FAM227B: variants seen among roughly 807,000 people sequenced by gnomAD.
The protein encoded by FAM227B is protein FAM227B.
FAM227B carries 88 observed loss-of-function variants against 73.8 expected under a neutral mutation model. The observed-to-expected ratio is 1.19, with a 90% CI of 1.00 to 1.42. The LOEUF is 1.42. Among genes scored for constraint, FAM227B ranks in the 40% most tolerant of loss-of-function variants. FAM227B has a pLI of 0.00. For missense variants in FAM227B, 632 were observed against 590.9 expected (o/e 1.07, Z -0.72); for synonymous variants, 210 against 190.5 (o/e 1.10, Z -0.84).
intron 5 of FAM227B, among the ~76,000 whole-genome samples, chr15:49,579,824 T>C (rs552343212): frequency 7.2e-5 from 11 of 152,314 alleles, no homozygotes; most frequent in African/African-American, 2.6e-4. Flanking sequence ...AAAAAAATGA[T>C]AGCTATTCTA....
intron 11 of FAM227B, among the ~76,000 whole-genome samples, chr15:49,429,894 G>T (rs2050445396): frequency 6.6e-6 from 1 of 151,906 alleles, no homozygotes; most frequent in South Asian, 2.1e-4. Context: ...GTTCTCCAAT[G>T]ATTCTAAAGT....
chr15:49,525,070 G>A (rs951937072), intron 10 of FAM227B, among the ~76,000 whole-genome samples: 12 of 152,148 alleles, frequency 7.9e-5, no homozygotes, highest in African/African-American at 2.9e-4. Flanking sequence ...TTGAGGGACT[G>A]TTGGGAAGGC....
intron 13 of FAM227B, among the ~76,000 whole-genome samples, chr15:49,352,357 T>C (rs894397992): frequency 2.6e-5 from 4 of 152,180 alleles, no homozygotes; most frequent in African/African-American, 9.7e-5. Flanking sequence ...TGAGGTCACA[T>C]TGTAACAGGA....
intron 5 of FAM227B, among the ~76,000 whole-genome samples, chr15:49,578,586 A>C (rs2075616588): frequency 6.6e-6 from 1 of 152,168 alleles, no homozygotes; most frequent in Non-Finnish European, 1.5e-5. Flanking sequence ...CACATATTAC[A>C]CATACACATA....
chr15:49,566,994 C>T (rs2074710033), intron 9 of FAM227B, among the ~76,000 whole-genome samples: 1 of 152,216 alleles, frequency 6.6e-6, no homozygotes, highest in South Asian at 2.1e-4. Context: ...AATGTTACCA[C>T]CATTTTATTC....
intron 10 of FAM227B, among the ~76,000 whole-genome samples, chr15:49,537,310 G>T (rs543390704): frequency 4.6e-5 from 7 of 152,098 alleles, no homozygotes; most frequent in East Asian, 1.9e-4. Flanking sequence ...AAAAGACACA[G>T]AAGTATATGA....
chr15:49,335,529 A>G (rs777227493), intron 13 of FAM227B, 33 bp from the exon 14 acceptor site: 28 of 1,536,156 alleles, frequency 1.8e-5, no homozygotes, highest in Middle Eastern at 3.4e-4. Context: ...ATGATTTTCA[A>G]TTAGGAACAT....
At chr15:49,462,808 T>C (rs975946881) in intron 11 of FAM227B, among the ~76,000 whole-genome samples, 3 of 152,182 alleles carry the variant, frequency 2.0e-5, no homozygotes, top group Admixed American at 1.3e-4. Flanking sequence ...TTGGCATGTA[T>C]AGAAAGGATG....
In FAM227B at chr15:49,402,650, C is replaced by T. The variant is rs1278435458; in HGVS notation, c.1013-31251G>A. On this transcript the variant is annotated intron_variant, in intron 11 of 15. Transcript: ENST00000299338. ...ATTGATTTTGTATCCTGGGACTTTG[C>T]TGAAGTTGTTTATCAGCTTAAGAAG... Among the ~76,000 whole-genome samples, 5 of 152,156 alleles carry T rather than the reference C, an allele frequency of 3.3e-5. No individual in the cohort carries two copies. The East Asian group carries it at 9.6e-4, about 29-fold the overall frequency.
intron 3 of FAM227B, among the ~76,000 whole-genome samples, chr15:49,608,947 A>C (rs925174926): frequency 1.2e-4 from 18 of 152,136 alleles, no homozygotes; most frequent in Non-Finnish European, 1.5e-4. Context: ...ACCAAAAAGA[A>C]TTTTTTAAAG....
At chr15:49,335,782 AAGC>A (rs1212578635) in intron 13 of FAM227B, among the ~76,000 whole-genome samples, 9 of 152,216 alleles carry the variant, frequency 5.9e-5, no homozygotes, top group Admixed American at 2.6e-4. Flanking sequence ...TTTGTTTTAA[AAGC>A]AGCAACTTGT....
At chr15:49,403,100 G>C (rs1223565742) in intron 11 of FAM227B, among the ~76,000 whole-genome samples, 1 of 152,080 alleles carries the variant, frequency 6.6e-6, no homozygotes, top group East Asian at 1.9e-4. Flanking sequence ...TGTGTATGTT[G>C]AACCAACCTT....
At chr15:49,591,339 G>C (rs1032904390) in intron 3 of FAM227B, among the ~76,000 whole-genome samples, 6 of 150,074 alleles carry the variant, frequency 4.0e-5, no homozygotes, top group Non-Finnish European at 8.9e-5. Flanking sequence ...CAAAGTGCTG[G>C]GATTATAGGT....
intron 11 of FAM227B, among the ~76,000 whole-genome samples, chr15:49,418,361 T>C (rs1451993232): frequency 6.6e-6 from 1 of 152,136 alleles, no homozygotes; most frequent in Non-Finnish European, 1.5e-5. Context: ...CACATGCATG[T>C]GTATGTTCAT....
chr15:49,611,522 A>G (rs2077917017), intron 2 of FAM227B, among the ~76,000 whole-genome samples: 1 of 152,136 alleles, frequency 6.6e-6, no homozygotes, highest in East Asian at 1.9e-4. Context: ...AAAACTCCAC[A>G]TGAATCTTGC....
chr15:49,581,826 T>C lies in FAM227B; in HGVS notation c.406-4162A>G, dbSNP rs1160528551. ...GTTACTAGCCACCAGAGAAACATAT[T>C]TAAGTACATACACCAGTGACACTAA... is the stretch of plus-strand genomic sequence containing the variant. On this transcript the variant is annotated intron_variant, in intron 5 of 15. Transcript: ENST00000299338. 2.0e-5 allele frequency among the ~76,000 whole-genome samples: 3 copies of C among 152,120 alleles called. No homozygotes were observed. In the East Asian group the frequency reaches 5.8e-4, roughly 29 times the overall value.
chr15:49,409,454 G>A (rs1177314730), intron 11 of FAM227B, among the ~76,000 whole-genome samples: 1 of 151,152 alleles, frequency 6.6e-6, no homozygotes, highest in Non-Finnish European at 1.5e-5. Context: ...TGGAAAATGA[G>A]GATAAAGGAG....
intron 11 of FAM227B, among the ~76,000 whole-genome samples, chr15:49,400,298 G>A (rs1366041632): frequency 4.7e-5 from 5 of 105,446 alleles, no homozygotes; most frequent in Non-Finnish European, 9.5e-5. Context: ...TACAAGGGAT[G>A]TGAAGGATCT....
chr15:49,374,522 T>G (rs1289671626), intron 11 of FAM227B, among the ~76,000 whole-genome samples: 1 of 152,184 alleles, frequency 6.6e-6, no homozygotes, highest in South Asian at 2.1e-4. Context: ...TCCAATAATA[T>G]AGGAAAATGA....
Sources: gnomAD v4.1 joint callset for allele counts (sites outside exome capture counted in the v4.1 genomes callset) on GRCh38, gnomAD v4.1.1 for gene constraint, MANE v1.5 for transcripts, NCBI Gene and HGNC (gene_info 2026-07-23, HGNC 2026-07-21) for gene names.